The following FANK1 variants were observed in gnomAD, a reference collection of about 807,000 sequenced individuals.
FANK1 encodes fibronectin type 3 and ankyrin repeat domains protein 1.
Under a neutral mutation model 45.3 loss-of-function variants are expected in FANK1, and 44 were observed. The observed-to-expected ratio is 0.97, with a 90% CI of 0.76 to 1.25. The LOEUF is 1.25. Ranked by LOEUF, FANK1 falls within the 50% of genes most tolerant of loss-of-function variation. FANK1 has a pLI of 0.00. For synonymous variants in FANK1, 149 were observed against 152.5 expected, an observed-to-expected ratio of 0.98 and a Z score of 0.17; for missense variants, 391 against 424.4, an observed-to-expected ratio of 0.92 and a Z score of 0.69.
At chr10:125,901,057 A>G (rs190601389) in intron 1 of FANK1, among the ~76,000 whole-genome samples, 1 of 151,808 alleles carries the variant, frequency 6.6e-6, no homozygotes, top group Admixed American at 6.6e-5. Flanking sequence ...ATCCTTCCCC[A>G]TTGGCCTCCC....
intron 1 of FANK1, among the ~76,000 whole-genome samples, chr10:125,958,037 C>T (rs1949691306): frequency 6.6e-6 from 1 of 151,984 alleles, no homozygotes; most frequent in Admixed American, 6.6e-5. Context: ...TCGTCTGGAA[C>T]ATTATTTTGG....
At chr10:125,921,087 G>T (rs1418531076) in intron 1 of FANK1, among the ~76,000 whole-genome samples, 4 of 152,106 alleles carry the variant, frequency 2.6e-5, no homozygotes, top group Non-Finnish European at 5.9e-5. Context: ...TAAATTGATA[G>T]GTCATTTTTG....
At position 125,988,672 on chromosome 10, in the gene FANK1, A is replaced by G. The variant is rs1951725076; in HGVS notation, c.313A>G (p.Thr105Ala). 3.7e-6 allele frequency: 6 copies of G among 1,614,170 alleles called. No individual in the cohort carries two copies. Among genetic ancestry groups the G allele is most frequent in the Non-Finnish European group, 5.1e-6 (6 of 1,180,018 alleles). ...CAGCCCACTCGTCTCAGTGTCTACA[A>G]CCAGTGAGTATTCAGACCGTCCACA... ...EYSPLVSVSTTREPISSEHLH... is the reference protein window; with the variant it reads ...EYSPLVSVSTAREPISSEHLH... The change falls in exon 3 of 11, where the codon ACC becomes GCC. Residue 105 changes from threonine to alanine, a missense_variant. Physicochemically the swap from Thr to Ala is moderately conservative, Grantham distance 58. Transcript: ENST00000368693.
At chr10:126,006,804 G>T (rs2133356475) in intron 7 of FANK1, among the ~76,000 whole-genome samples, 1 of 152,332 alleles carries the variant, frequency 6.6e-6, no homozygotes, top group Non-Finnish European at 1.5e-5. Context: ...AGGTTGCAGT[G>T]AGCCAAGATT....
intron 1 of FANK1, among the ~76,000 whole-genome samples, chr10:125,922,881 C>T (rs1269231497): frequency 6.6e-6 from 1 of 152,152 alleles, no homozygotes; most frequent in African/African-American, 2.4e-5. Flanking sequence ...TTTTCTTGCA[C>T]TTGCCTTGTT....
intron 1 of FANK1, among the ~76,000 whole-genome samples, chr10:125,977,118 T>C (rs1003734387): frequency 6.6e-6 from 1 of 152,174 alleles, no homozygotes; most frequent in Non-Finnish European, 1.5e-5. Context: ...TCTGCCTGGT[T>C]ACAAACTCTT....
chr10:126,006,690 T>C (rs985711397), intron 7 of FANK1, among the ~76,000 whole-genome samples: 3 of 152,196 alleles, frequency 2.0e-5, no homozygotes, highest in African/African-American at 7.2e-5. Context: ...TGAAACCCTG[T>C]CTCTACTAAA....
chr10:125,923,833 G>C (rs1234320956), intron 1 of FANK1, among the ~76,000 whole-genome samples: 1 of 151,730 alleles, frequency 6.6e-6, no homozygotes, highest in African/African-American at 2.4e-5. Context: ...TGGCCTGCAA[G>C]TTATGACTTC....
chr10:125,926,907 A>C (rs1477218435), intron 1 of FANK1, among the ~76,000 whole-genome samples: 2 of 152,294 alleles, frequency 1.3e-5, no homozygotes, highest in African/African-American at 4.8e-5. Flanking sequence ...AGAGGCATAC[A>C]GGTAAGGAGA....
At chr10:125,940,787 A>G (rs1211639747) in intron 1 of FANK1, among the ~76,000 whole-genome samples, 1 of 152,236 alleles carries the variant, frequency 6.6e-6, no homozygotes, top group Non-Finnish European at 1.5e-5. Context: ...GGCTTTCCGC[A>G]GTGCGTTGTG....
intron 1 of FANK1, among the ~76,000 whole-genome samples, chr10:125,968,814 A>G (rs1216553715): frequency 6.6e-6 from 1 of 152,168 alleles, no homozygotes; most frequent in African/African-American, 2.4e-5. Context: ...GTTCAAACCT[A>G]TAATTTGTGA....
chr10:125,903,880 A>G (rs1945262135), intron 1 of FANK1, among the ~76,000 whole-genome samples: 1 of 151,396 alleles, frequency 6.6e-6, no homozygotes, highest in African/African-American at 2.4e-5. Context: ...ACAGAGTTTC[A>G]CTCTTGTCGC....
At chr10:125,987,909 AGGT>A (rs1951674377) in intron 2 of FANK1, among the ~76,000 whole-genome samples, 2 of 152,126 alleles carry the variant, frequency 1.3e-5, no homozygotes, top group Non-Finnish European at 2.9e-5. Flanking sequence ...TTCCCTCTGG[AGGT>A]GTGTGGATTT....
chr10:125,912,478 GTGTGTGTGTT>G (rs1461804701), intron 1 of FANK1, among the ~76,000 whole-genome samples: 352 of 114,288 alleles, frequency 3.1e-3, no homozygotes, highest in African/African-American at 8.4e-3. Flanking sequence ...GTGTGTGTGT[GTGTGTGTGTT>G]TTTGAGATTA....
chr10:126,009,178 A>C, intron 9 of FANK1, 44 bp from the exon 10 acceptor site: 1 of 1,614,196 alleles, frequency 6.2e-7, no homozygotes, highest in Non-Finnish European at 8.5e-7. Flanking sequence ...GAGGGGGAGA[A>C]AACATTTATA....
chr10:125,935,117 C>T (rs1948011924), intron 1 of FANK1, among the ~76,000 whole-genome samples: 1 of 152,202 alleles, frequency 6.6e-6, no homozygotes, highest in African/African-American at 2.4e-5. Context: ...CTGATAGAGA[C>T]ACCCTGTCTT....
rs572660730 is a variant in FANK1, at chr10:125,959,929, G to C, written c.14-20232G>C. Among the ~76,000 whole-genome samples, 55 of 152,202 alleles carry C rather than the reference G, an allele frequency of 3.6e-4. No homozygotes were observed. The South Asian group carries it at 3.7e-3, about 10-fold the overall frequency. On this transcript the variant is annotated intron_variant, in intron 1 of 10. Transcript: ENST00000368693. ...TGACGTATCTGGTGGTAAGGTTTTT[G>C]TCTTACATATAAAGCACTTCACCAA... is the stretch of plus-strand genomic sequence containing the variant.
rs1164685569 is a variant in FANK1 at position 126,009,285 on chromosome 10, C to A, written c.972+19C>A. Reference sequence around the variant, plus strand: ...CAGACAGGTTGGGATGCTCTTTCTGCCTATCAAGGCTAATTTTTAGTCCTT... The same window carrying A: ...CAGACAGGTTGGGATGCTCTTTCTGACTATCAAGGCTAATTTTTAGTCCTT... On this transcript the variant is annotated intron_variant, in intron 10 of 10. Transcript: ENST00000368693. The A allele has an allele frequency of 6.2e-7, 1 of 1,614,030 alleles. No individual in the cohort carries two copies. Among genetic ancestry groups the A allele is most frequent in the African/African-American group, 1.3e-5 (1 of 74,914 alleles).
At chr10:125,912,910 C>G (rs372596218) in intron 1 of FANK1, among the ~76,000 whole-genome samples, 2 of 151,938 alleles carry the variant, frequency 1.3e-5, no homozygotes, top group Non-Finnish European at 2.9e-5. Flanking sequence ...GTTGGGATTA[C>G]AGGCGTAAGC....
Sources: gnomAD v4.1 joint callset for allele counts (sites outside exome capture counted in the v4.1 genomes callset) on GRCh38, gnomAD v4.1.1 for gene constraint, MANE v1.5 for transcripts, NCBI Gene and HGNC (gene_info 2026-07-23, HGNC 2026-07-21) for gene names.